The following NTNG1 variants were observed in gnomAD, a reference collection of about 807,000 sequenced individuals.
NTNG1 encodes netrin-G1.
In NTNG1, 16 loss-of-function variants were observed where a neutral mutation model predicts 54.0. The ratio of observed to expected loss-of-function variants is 0.30; its 90% CI spans 0.20 to 0.45. The LOEUF (loss-of-function observed/expected upper bound fraction) is 0.45. Among genes scored for constraint, NTNG1 ranks in the 20% least tolerant of loss-of-function variants. The pLI, the probability that NTNG1 is intolerant of heterozygous loss-of-function variation, is 1.00. For synonymous variants in NTNG1, 255 were observed against 263.1 expected, an observed-to-expected ratio of 0.97 and a Z score of 0.30; for missense variants, 530 against 678.7, an observed-to-expected ratio of 0.78 and a Z score of 2.43.
At chr1:107,338,850 G>A (rs997470518) in intron 3 of NTNG1, among the ~76,000 whole-genome samples, 3 of 143,452 alleles carry the variant, frequency 2.1e-5, no homozygotes, top group African/African-American at 7.6e-5. Flanking sequence ...AAAACACAAA[G>A]ATAAAACAAA....
intron 2 of NTNG1, among the ~76,000 whole-genome samples, chr1:107,224,160 C>T (rs1432125035): frequency 6.6e-6 from 1 of 152,048 alleles, no homozygotes; most frequent in African/African-American, 2.4e-5. Context: ...AAACACCATG[C>T]AAGAGAGGAT....
At chr1:107,213,624 A>G (rs1659738137) in intron 2 of NTNG1, among the ~76,000 whole-genome samples, 1 of 152,060 alleles carries the variant, frequency 6.6e-6, no homozygotes, top group Admixed American at 6.5e-5. Flanking sequence ...GCTAGCTGAC[A>G]TATTCCTGGG....
chr1:107,212,446 A>G (rs1659656820), intron 2 of NTNG1, among the ~76,000 whole-genome samples: 1 of 152,178 alleles, frequency 6.6e-6, no homozygotes, highest in Admixed American at 6.6e-5. Context: ...CAACATAGCT[A>G]GTAAGTTTTG....
intron 3 of NTNG1, among the ~76,000 whole-genome samples, chr1:107,388,952 A>G (rs772704573): frequency 1.5e-4 from 22 of 146,330 alleles, no homozygotes; most frequent in Non-Finnish European, 3.1e-4. Context: ...CTCTAAAAGC[A>G]TTTGTATAGC....
At chr1:107,275,003 C>T (rs1166582224) in intron 2 of NTNG1, among the ~76,000 whole-genome samples, 2 of 152,162 alleles carry the variant, frequency 1.3e-5, no homozygotes, top group African/African-American at 4.8e-5. Context: ...TATCTTTGTG[C>T]TTCCCTTTTG....
chr1:107,421,110 G>GT, intron 5 of NTNG1: 1 of 1,610,108 alleles, frequency 6.2e-7, no homozygotes, highest in Middle Eastern at 1.7e-4. Flanking sequence ...TTTGTCAACA[G>GT]TTTCTTCTGT....
chr1:107,230,445 T>C (rs1325746223), intron 2 of NTNG1, among the ~76,000 whole-genome samples: 1 of 152,062 alleles, frequency 6.6e-6, no homozygotes, highest in East Asian at 1.9e-4. Context: ...GAGAGCTCTA[T>C]GGGAATAAAG....
At chr1:107,214,158 G>A (rs1440138169) in intron 2 of NTNG1, among the ~76,000 whole-genome samples, 1 of 151,844 alleles carries the variant, frequency 6.6e-6, no homozygotes, top group Non-Finnish European at 1.5e-5. Flanking sequence ...TGGTAAACAG[G>A]TGATGTTTGG....
At chr1:107,157,390 C>G (rs535738155) in intron 2 of NTNG1, among the ~76,000 whole-genome samples, 1 of 152,222 alleles carries the variant, frequency 6.6e-6, no homozygotes, top group East Asian at 1.9e-4. Context: ...AAATTGTCCA[C>G]CAGAAAGATA....
chr1:107,246,831 G>T (rs563278722), intron 2 of NTNG1, among the ~76,000 whole-genome samples: 1 of 152,230 alleles, frequency 6.6e-6, no homozygotes, highest in South Asian at 2.1e-4. Flanking sequence ...TATTTATATA[G>T]TAAATCTAAT....
At chr1:107,431,797 C>T (rs976713105) in intron 6 of NTNG1, among the ~76,000 whole-genome samples, 3 of 152,110 alleles carry the variant, frequency 2.0e-5, no homozygotes, top group Admixed American at 6.6e-5. Context: ...TAGCCATTAC[C>T]ACACCAGTAG....
intron 2 of NTNG1, among the ~76,000 whole-genome samples, chr1:107,161,761 A>G (rs925553235): frequency 1.3e-5 from 2 of 152,228 alleles, no homozygotes; most frequent in African/African-American, 4.8e-5. Flanking sequence ...TTAAAAAAAA[A>G]AAGATATCAC....
intron 2 of NTNG1, among the ~76,000 whole-genome samples, chr1:107,286,248 G>A (rs970927461): frequency 4.6e-5 from 7 of 152,138 alleles, no homozygotes; most frequent in African/African-American, 1.7e-4. Context: ...ATCTAATTCA[G>A]CGTGGCATTT....
chr1:107,361,254 ATATATGT>A (rs2100947738), intron 3 of NTNG1, among the ~76,000 whole-genome samples: 1 of 113,114 alleles, frequency 8.8e-6, no homozygotes, highest in South Asian at 3.2e-4. Context: ...ATTATATAAA[ATATATGT>A]TATGTAAGAA....
At chr1:107,452,375 T>A (rs1676680781) in intron 7 of NTNG1, among the ~76,000 whole-genome samples, 1 of 152,300 alleles carries the variant, frequency 6.6e-6, no homozygotes, top group South Asian at 2.1e-4. Flanking sequence ...AAGTCTTGGA[T>A]GGTGGACAGT....
intron 3 of NTNG1, among the ~76,000 whole-genome samples, chr1:107,380,237 GC>G (rs1464815142): frequency 1.3e-5 from 2 of 152,058 alleles, no homozygotes; most frequent in African/African-American, 4.8e-5. Context: ...TAAAGCCATA[GC>G]AGAAATTTTT....
chr1:107,328,408 T>C (rs1668087349), intron 3 of NTNG1, among the ~76,000 whole-genome samples: 1 of 152,128 alleles, frequency 6.6e-6, no homozygotes, highest in South Asian at 2.1e-4. Flanking sequence ...ATTAACTGTA[T>C]TAAATTATGG....
At chr1:107,333,610 A>G (rs1668405278) in intron 3 of NTNG1, among the ~76,000 whole-genome samples, 1 of 149,578 alleles carries the variant, frequency 6.7e-6, no homozygotes, top group Non-Finnish European at 1.5e-5. Context: ...ACTCTTTGTA[A>G]GATTGAAGGA....
intron 7 of NTNG1, among the ~76,000 whole-genome samples, chr1:107,439,277 CGTGTGTGTGT>C (rs3064151): frequency 2.7e-5 from 4 of 145,782 alleles, no homozygotes; most frequent in South Asian, 2.2e-4. Context: ...CCAGAACTTG[CGTGTGTGTGT>C]GTGTGTGTGT....
Sources: gnomAD v4.1 joint callset for allele counts (sites outside exome capture counted in the v4.1 genomes callset) on GRCh38, gnomAD v4.1.1 for gene constraint, MANE v1.5 for transcripts, NCBI Gene and HGNC (gene_info 2026-07-23, HGNC 2026-07-21) for gene names.